The following ROR2 variants were observed in gnomAD, a reference collection of about 807,000 sequenced individuals.
The protein encoded by ROR2 is tyrosine-protein kinase transmembrane receptor ROR2.
In ROR2, 33 loss-of-function variants were observed where a neutral mutation model predicts 74.9. That is an observed-to-expected ratio of 0.44 (90% CI 0.33 to 0.59). The LOEUF is 0.59. Ranked by LOEUF, ROR2 falls within the 20% of genes least tolerant of loss-of-function variation. ROR2 has a pLI of 0.02. For synonymous variants in ROR2, 586 were observed against 558.7 expected, an observed-to-expected ratio of 1.05 and a Z score of -0.69; for missense variants, 1,216 against 1,313.8, an observed-to-expected ratio of 0.93 and a Z score of 1.15.
At chr9:91,869,475 C>T (rs1829732252) in intron 1 of ROR2, among the ~76,000 whole-genome samples, 1 of 152,168 alleles carries the variant, frequency 6.6e-6, no homozygotes, top group Non-Finnish European at 1.5e-5. Flanking sequence ...TGAAATACTG[C>T]TCGGCAATAG....
At chr9:91,737,612 A>G in intron 4 of ROR2, 94 bp from the exon 5 acceptor site, 3 of 1,554,732 alleles carry the variant, frequency 1.9e-6, no homozygotes, top group East Asian at 4.5e-5. Flanking sequence ...CGATCCAGCA[A>G]TTTTGTTACT....
At chr9:91,949,054 G>A (rs1003894879) in intron 1 of ROR2, among the ~76,000 whole-genome samples, 1 of 151,802 alleles carries the variant, frequency 6.6e-6, no homozygotes, top group Non-Finnish European at 1.5e-5. Context: ...GGGGCCCCGG[G>A]AGGAAACCCA....
chr9:91,736,872 G>A (rs1825046155), intron 5 of ROR2, among the ~76,000 whole-genome samples: 1 of 152,166 alleles, frequency 6.6e-6, no homozygotes. Context: ...TGGAAACCCA[G>A]GACTGACAAA....
chr9:91,750,647 A>G (rs1276250606), intron 4 of ROR2, among the ~76,000 whole-genome samples: 1 of 152,210 alleles, frequency 6.6e-6, no homozygotes, highest in Non-Finnish European at 1.5e-5. Flanking sequence ...TATGAGGACT[A>G]GAACAAGAAG....
At chr9:91,726,793 C>T (rs1341718589) in intron 7 of ROR2, 50 bp from the exon 8 acceptor site, 5 of 1,567,404 alleles carry the variant, frequency 3.2e-6, no homozygotes, top group Non-Finnish European at 4.4e-6. Context: ...CCCTTTTCTA[C>T]TCTAAGTTCT....
chr9:91,787,809 A>G lies in ROR2; in HGVS notation c.98-11991T>C, dbSNP rs59149734. Among the ~76,000 whole-genome samples, 563 of 127,746 alleles carry G rather than the reference A, an allele frequency of 4.4e-3. 2 individuals are homozygous for G. The highest frequency in any genetic ancestry group is 6.8e-3 in the Admixed American group (70 of 10,226). The allele number at this position is 127,746 out of a possible 152,430, so 83.8% of individuals were successfully genotyped here. A position where few individuals can be genotyped will look rare whatever the true frequency, so the allele number is the denominator to read the frequency against. On this transcript the variant is annotated intron_variant, in intron 1 of 8. Transcript: ENST00000375708. Reference sequence around the variant, plus strand: ...ATGTCACATGCACAGAATGGGGGGGAGAAAGTGGCCAACAGAAAATGTCCC... The same window carrying G: ...ATGTCACATGCACAGAATGGGGGGGGGAAAGTGGCCAACAGAAAATGTCCC...
chr9:91,851,938 T>A (rs1224097584), intron 1 of ROR2, among the ~76,000 whole-genome samples: 1 of 150,632 alleles, frequency 6.6e-6, no homozygotes, highest in African/African-American at 2.5e-5. Context: ...ATGGCACCAT[T>A]GCACGCCAGC....
intron 1 of ROR2, among the ~76,000 whole-genome samples, chr9:91,883,061 C>CA: frequency 6.6e-6 from 1 of 152,268 alleles, no homozygotes; most frequent in East Asian, 1.9e-4. Context: ...CATGATGCTC[C>CA]AAGGAAATGC....
At chr9:91,909,513 ATTTTTTT>A (rs36122642) in intron 1 of ROR2, among the ~76,000 whole-genome samples, 1 of 136,292 alleles carries the variant, frequency 7.3e-6, no homozygotes, top group South Asian at 2.4e-4. Context: ...CATCCAACTA[ATTTTTTT>A]TTTTTTTTTT....
At chr9:91,739,214 G>C (rs1825136091) in intron 4 of ROR2, among the ~76,000 whole-genome samples, 1 of 152,140 alleles carries the variant, frequency 6.6e-6, no homozygotes, top group Non-Finnish European at 1.5e-5. Context: ...TCTGAATTCT[G>C]TTCAATTTAA....
intron 1 of ROR2, among the ~76,000 whole-genome samples, chr9:91,856,352 T>C (rs746745241): frequency 2.6e-5 from 4 of 152,228 alleles, no homozygotes; most frequent in Non-Finnish European, 5.9e-5. Context: ...GAGACCTTAA[T>C]ATGCTCAAAA....
chr9:91,908,457 C>T (rs1185246812), intron 1 of ROR2, among the ~76,000 whole-genome samples: 2 of 152,208 alleles, frequency 1.3e-5, no homozygotes, highest in African/African-American at 4.8e-5. Flanking sequence ...CCATCTAGCA[C>T]TTTCTGCAAG....
At position 91,733,277 on chromosome 9, in the gene ROR2, C is replaced by T; in HGVS notation, c.782G>A (p.Ser261Asn). The change falls in exon 6 of 9, where the codon AGC becomes AAC. Residue 261 changes from serine (S) to asparagine (N), a missense_variant. By Grantham distance (46) the Ser-to-Asn change is conservative (BLOSUM62 1). Transcript: ENST00000375708. This position sits in a 1 kb window ranked among gnomAD's most constrained non-coding sequence, Gnocchi z 5.7. The stretch of plus-strand genomic sequence containing the variant: ...GGTGTACTCCTGGCGGCACAGGTCG[C>T]TCTCCAGCACCTCGCACTCGTCGCG... ...LCRDECEVLE[S>N]DLCRQEYTIA... The T allele has an allele frequency of 6.2e-7, 1 of 1,613,034 alleles. No individual in the cohort carries two copies. The highest frequency in any genetic ancestry group is 1.1e-5 in the South Asian group (1 of 90,970).
At chr9:91,943,988 AG>A (rs1831946880) in intron 1 of ROR2, among the ~76,000 whole-genome samples, 1 of 152,242 alleles carries the variant, frequency 6.6e-6, no homozygotes, top group Admixed American at 6.5e-5. Context: ...ATCAGGAACA[AG>A]ACAAGAATGC....
At chr9:91,750,386 C>T (rs998686716) in intron 4 of ROR2, among the ~76,000 whole-genome samples, 1 of 152,210 alleles carries the variant, frequency 6.6e-6, no homozygotes, top group Non-Finnish European at 1.5e-5. Context: ...CCAATCAATA[C>T]ACATCTTGTT....
chr9:91,774,516 T>C (rs972600534), intron 2 of ROR2, among the ~76,000 whole-genome samples: 8 of 152,182 alleles, frequency 5.3e-5, no homozygotes. Context: ...GGGGGTGTTA[T>C]GAAAACACCG....
chr9:91,921,706 A>G (rs1274089769), intron 1 of ROR2, among the ~76,000 whole-genome samples: 2 of 152,114 alleles, frequency 1.3e-5, no homozygotes, highest in Admixed American at 1.3e-4. Flanking sequence ...TCTACTAAAA[A>G]CACAAAAGTA....
At chr9:91,940,148 T>A (rs1363376268) in intron 1 of ROR2, among the ~76,000 whole-genome samples, 1 of 152,228 alleles carries the variant, frequency 6.6e-6, no homozygotes, top group East Asian at 1.9e-4. Context: ...AGCCCCGCTG[T>A]GCGCAAATCA....
chr9:91,824,945 C>G (rs1183300827), intron 1 of ROR2, among the ~76,000 whole-genome samples: 1 of 152,248 alleles, frequency 6.6e-6, no homozygotes, highest in Non-Finnish European at 1.5e-5. Flanking sequence ...CACCCCCGGC[C>G]CGCTGGCCCC....
Sources: gnomAD v4.1 joint callset for allele counts (sites outside exome capture counted in the v4.1 genomes callset) on GRCh38, gnomAD v4.1.1 for gene constraint, Gnocchi (gnomAD v3.1) non-coding constraint, MANE v1.5 for transcripts, NCBI Gene and HGNC (gene_info 2026-07-23, HGNC 2026-07-21) for gene names.